Variants in PRKG1 observed in about 807,000 individuals in gnomAD.
PRKG1 encodes protein kinase cGMP-dependent 1.
Under a neutral mutation model 88.1 loss-of-function variants are expected in PRKG1, and 35 were observed. That is an observed-to-expected ratio of 0.40 (90% CI 0.30 to 0.53). The LOEUF is 0.53. Ranked by LOEUF, PRKG1 falls within the 20% of genes least tolerant of loss-of-function variation. The pLI, the probability that PRKG1 is intolerant of heterozygous loss-of-function variation, is 0.59. For synonymous variants in PRKG1, 303 were observed against 292.5 expected (o/e 1.04, Z -0.37); for missense variants, 540 against 839.8 (o/e 0.64, Z 4.41).
chr10:51,006,055 TTCTC>T (rs1842937668), intron 1 of PRKG1, among the ~76,000 whole-genome samples: 2 of 152,168 alleles, frequency 1.3e-5, no homozygotes, highest in South Asian at 4.1e-4. Context: ...CCACTGAACT[TTCTC>T]TGTATGTGCC....
intron 3 of PRKG1, among the ~76,000 whole-genome samples, chr10:51,571,189 A>G (rs552327894): frequency 7.6e-4 from 115 of 152,086 alleles, no homozygotes; most frequent in African/African-American, 2.6e-3. Context: ...TGTGCCTGCC[A>G]TGTAGGAATC....
intron 3 of PRKG1, among the ~76,000 whole-genome samples, chr10:51,547,109 T>C (rs1430513059): frequency 1.3e-5 from 2 of 152,084 alleles, no homozygotes; most frequent in Non-Finnish European, 2.9e-5. Context: ...AGACAGGTTT[T>C]ATATTCACCC....
intron 3 of PRKG1, among the ~76,000 whole-genome samples, chr10:51,502,332 G>A (rs982595686): frequency 1.3e-5 from 2 of 152,148 alleles, no homozygotes; most frequent in African/African-American, 2.4e-5. Context: ...AGGCATTGCA[G>A]CATAGGTTCT....
intron 3 of PRKG1, among the ~76,000 whole-genome samples, chr10:51,747,089 CT>C (rs1457995756): frequency 6.6e-6 from 1 of 152,138 alleles, no homozygotes; most frequent in Non-Finnish European, 1.5e-5. Context: ...GGGGTTTTTG[CT>C]TGTCAGAGAA....
At chr10:51,632,387 G>A (rs1839549270) in intron 3 of PRKG1, among the ~76,000 whole-genome samples, 1 of 152,190 alleles carries the variant, frequency 6.6e-6, no homozygotes, top group Non-Finnish European at 1.5e-5. Context: ...TTGGAATTAT[G>A]TAAATAGGAC....
At chr10:51,772,110 T>C (rs1838319358) in intron 3 of PRKG1, among the ~76,000 whole-genome samples, 1 of 152,160 alleles carries the variant, frequency 6.6e-6, no homozygotes, top group Non-Finnish European at 1.5e-5. Context: ...ATATTAAAAA[T>C]AATTATAACA....
intron 3 of PRKG1, among the ~76,000 whole-genome samples, chr10:51,684,781 C>T (rs143230032): frequency 5.9e-4 from 90 of 152,178 alleles, no homozygotes; most frequent in Non-Finnish European, 1.0e-3. Context: ...GTGGGAGGAT[C>T]GCTTGAGCCT....
chr10:51,146,464 T>TTTCTGAACA (rs1327824123), intron 1 of PRKG1, among the ~76,000 whole-genome samples: 2 of 151,870 alleles, frequency 1.3e-5, no homozygotes, highest in African/African-American at 4.8e-5. Flanking sequence ...TTCCTTGTAT[T>TTTCTGAACA]TTCTGAACAT....
chr10:51,024,185 C>G (rs1165143854), intron 1 of PRKG1, among the ~76,000 whole-genome samples: 2 of 152,112 alleles, frequency 1.3e-5, no homozygotes, highest in Non-Finnish European at 2.9e-5. Flanking sequence ...GGATCTTCCT[C>G]AGTATTGGTC....
intron 3 of PRKG1, among the ~76,000 whole-genome samples, chr10:51,704,586 G>A (rs1040715886): frequency 2.0e-5 from 3 of 152,176 alleles, no homozygotes; most frequent in African/African-American, 7.2e-5. Flanking sequence ...AGATTATCAA[G>A]GAAAGCTTTC....
intron 3 of PRKG1, among the ~76,000 whole-genome samples, chr10:51,726,001 C>T (rs1164237683): frequency 6.6e-6 from 1 of 152,182 alleles, no homozygotes; most frequent in Non-Finnish European, 1.5e-5. Context: ...CCTAGGTGAG[C>T]AATGCCCTAA....
At chr10:51,691,917 A>T (rs1841154692) in intron 3 of PRKG1, among the ~76,000 whole-genome samples, 1 of 152,232 alleles carries the variant, frequency 6.6e-6, no homozygotes, top group East Asian at 1.9e-4. Flanking sequence ...CTTGAATAAC[A>T]TTGACAATAA....
At chr10:52,265,089 C>G (rs1195905705) in intron 10 of PRKG1, among the ~76,000 whole-genome samples, 1 of 152,016 alleles carries the variant, frequency 6.6e-6, no homozygotes, top group African/African-American at 2.4e-5. Context: ...ATAGAATTCT[C>G]TAGCTGGAAT....
rs146748408 is a variant in PRKG1 at position 51,467,535 on chromosome 10, T to C, written c.479-188T>C. Among the ~76,000 whole-genome samples the C allele has an allele frequency of 0.013, 1,908 of 152,136 alleles. 21 individuals are homozygous for C. The highest frequency in any genetic ancestry group is 0.048 in the Middle Eastern group (14 of 294). On this transcript the variant is annotated intron_variant, in intron 2 of 17. Transcript: ENST00000373980. ...TATCAAATCTTTTCAGTAGTAAATT[T>C]AAGAAAATATGTACTTTTCTTAACT...
chr10:51,871,346 T>G (rs1186819809), intron 4 of PRKG1, among the ~76,000 whole-genome samples: 1 of 152,202 alleles, frequency 6.6e-6, no homozygotes, highest in East Asian at 1.9e-4. Context: ...GAAGCTACTC[T>G]AAGCCTGGTT....
At position 52,121,351 on chromosome 10, in the gene PRKG1, C is replaced by G. The variant is rs149225546; in HGVS notation, c.936-12489C>G. ...CTTCCATCCATATTACTATTTTTAG[C>G]AAACAGTCGCTTGACCACACGGTTA... is the stretch of plus-strand genomic sequence containing the variant. On this transcript the variant is annotated intron_variant, in intron 7 of 17. Coordinates refer to ENST00000373980, the MANE Select transcript of PRKG1 (RefSeq NM_006258.4). 8.5e-3 allele frequency among the ~76,000 whole-genome samples: 1,287 copies of G among 152,286 alleles called. 14 individuals carry two copies. Among genetic ancestry groups the G allele is most frequent in the African/African-American group, 0.026 (1,077 of 41,546 alleles).
At chr10:51,529,772 A>G (rs1841972244) in intron 3 of PRKG1, among the ~76,000 whole-genome samples, 1 of 152,214 alleles carries the variant, frequency 6.6e-6, no homozygotes, top group Non-Finnish European at 1.5e-5. Context: ...GCTGTCCTAT[A>G]TACTTCATCA....
At chr10:52,290,142 T>A (rs183170077) in intron 16 of PRKG1, 82 bp from the exon 17 acceptor site, 2 of 1,126,840 alleles carry the variant, frequency 1.8e-6, no homozygotes, top group Admixed American at 4.8e-5. Context: ...TGCTTCCCAT[T>A]AGCCATGGAC....
intron 5 of PRKG1, among the ~76,000 whole-genome samples, chr10:52,001,411 C>T (rs544107576): frequency 1.3e-5 from 2 of 151,726 alleles, no homozygotes; most frequent in East Asian, 3.9e-4. Context: ...TGTTAATTAG[C>T]TTGTGGTAAT....
Sources: gnomAD v4.1 joint callset for allele counts (sites outside exome capture counted in the v4.1 genomes callset) on GRCh38, gnomAD v4.1.1 for gene constraint, MANE v1.5 for transcripts, NCBI Gene and HGNC (gene_info 2026-07-23, HGNC 2026-07-21) for gene names.